The following RBM26 variants were observed in gnomAD, a reference collection of about 807,000 sequenced individuals.
RBM26 encodes the protein RNA-binding protein 26.
In RBM26, 30 loss-of-function variants were observed where a neutral mutation model predicts 123.6. The ratio of observed to expected loss-of-function variants is 0.24; its 90% CI spans 0.18 to 0.33. The LOEUF is 0.33. Among genes scored for constraint, RBM26 ranks in the 10% least tolerant of loss-of-function variants. The probability of loss-of-function intolerance (pLI) is 1.00; values close to 1 mark genes in which losing one functional copy is unlikely to be tolerated. For synonymous variants in RBM26, 400 were observed against 404.4 expected (o/e 0.99, Z 0.13); for missense variants, 947 against 1,203.6 (o/e 0.79, Z 3.15).
intron 9 of RBM26, among the ~76,000 whole-genome samples, chr13:79,364,396 C>A (rs556092024): frequency 2.2e-4 from 34 of 152,266 alleles, no homozygotes; most frequent in African/African-American, 7.9e-4. Flanking sequence ...GGCACTGTTA[C>A]TTACTAACTA....
rs116255018 is a variant in RBM26 at position 79,346,449 on chromosome 13, G to A, written c.2059-1655C>T. ...GCTGGAGCATAGTGGCCCAGATCTT[G>A]GCTCACTGAAACTTCCACCTCATGG... On this transcript the variant is annotated intron_variant, in intron 14 of 21. Transcript: ENST00000438737. 9.1e-3 allele frequency among the ~76,000 whole-genome samples: 1,389 copies of A among 152,102 alleles called. 19 individuals carry two copies. Among genetic ancestry groups the A allele is most frequent in the African/African-American group, 0.028 (1,143 of 41,460 alleles).
chr13:79,328,989 G>C (rs929976568), intron 20 of RBM26, among the ~76,000 whole-genome samples: 1 of 151,896 alleles, frequency 6.6e-6, no homozygotes, highest in Non-Finnish European at 1.5e-5. Context: ...ACTATGGCAA[G>C]AGTGTAGGGA....
At position 79,344,729 on chromosome 13, in the gene RBM26, C is replaced by T. The variant is rs193111523; in HGVS notation, c.2124G>A (p.Gln708=). The T allele has an allele frequency of 7.4e-6, 12 of 1,613,130 alleles. No homozygotes were observed. The East Asian group carries it at 2.5e-4, about 33-fold the overall frequency. ...CAGAGGTGGAAACAAGTAAGGTTTT[C>T]TGTGCAGCCTTCAAAGCAGCTGGAT... ...VYNPAALKAA[Q]KTLLVSTSAV... Residue 708 remains glutamine (Q), a synonymous_variant, in exon 15 of 22, where the codon CAG becomes CAA. Transcript: ENST00000438737.
At chr13:79,327,161 C>T (rs111865027) in intron 20 of RBM26, among the ~76,000 whole-genome samples, 9,047 of 151,460 alleles carry the variant, frequency 0.06, 529 homozygotes, top group African/African-American at 0.15. Context: ...CCAACTGTGG[C>T]GGCGTGTGCC....
At chr13:79,380,866 A>G (rs2077020764) in intron 1 of RBM26, among the ~76,000 whole-genome samples, 1 of 152,130 alleles carries the variant, frequency 6.6e-6, no homozygotes, top group South Asian at 2.1e-4. Context: ...GAGTGGTAAC[A>G]TACAGCATTA....
downstream of RBM26, among the ~76,000 whole-genome samples, chr13:79,317,429 G>A (rs553482250): frequency 6.6e-6 from 1 of 151,664 alleles, no homozygotes; most frequent in Admixed American, 6.6e-5. Flanking sequence ...TTATTTTACA[G>A]ACAAGGAAAC....
Position 79,371,743 on chromosome 13 carries a change from A to ATAT in RBM26, c.416+96_416+98dup, listed in dbSNP as rs2075903358. ...TTTTCCTAGACCAATAAAAGAGTAG[A>ATAT]TATTACTTGCCTCTGCGTAAAAGAT... On this transcript the variant is annotated intron_variant, in intron 4 of 21. Coordinates refer to ENST00000438737, the MANE Select transcript of RBM26 (RefSeq NM_001366735.2). 5.1e-6 allele frequency: 4 copies of ATAT among 781,320 alleles called. No individual in the cohort carries two copies. In the Admixed American group the frequency reaches 7.1e-5, roughly 14 times the overall value. 48.4% of individuals were successfully genotyped at this position (781,320 alleles called of 1,614,324 possible).
At chr13:79,313,298 G>A (rs1035202120) in exon 5 of RBM26, 1 of 151,818 alleles carries the variant, frequency 6.6e-6, no homozygotes, top group Non-Finnish European at 1.5e-5. Flanking sequence ...TGATCTTAGT[G>A]AGAATCAAGT....
In RBM26 at chr13:79,369,834, TG is replaced by T. The variant is rs542951456; in HGVS notation, c.635-845del. The stretch of plus-strand genomic sequence containing the variant: ...TATAATAAACTGAACATATTTAAAC[TG>T]TATAAGTTTTAATCAAGATATAACA... On this transcript the variant is annotated intron_variant, in intron 5 of 21. Transcript: ENST00000438737. Among the ~76,000 whole-genome samples, 15 of 152,322 alleles carry T rather than the reference TG, an allele frequency of 9.8e-5. No homozygotes were observed. In the East Asian group the frequency reaches 2.9e-3, roughly 29 times the overall value.
intron 1 of RBM26, among the ~76,000 whole-genome samples, chr13:79,397,445 G>A (rs2078670413): frequency 1.3e-5 from 2 of 151,798 alleles, no homozygotes; most frequent in African/African-American, 2.4e-5. Flanking sequence ...GGAGGTTGAG[G>A]CAGGCGGATC....
intron 16 of RBM26, 37 bp downstream of exon 16, chr13:79,344,211 A>T: frequency 7.8e-7 from 1 of 1,283,376 alleles, no homozygotes; most frequent in Non-Finnish European, 1.1e-6. Context: ...AAATTATAAC[A>T]TTTGCAATTT....
chr13:79,315,089 C>G, downstream of RBM26: 1 of 608,668 alleles, frequency 1.6e-6, no homozygotes, highest in Non-Finnish European at 2.6e-6. Flanking sequence ...CTTTTCTAAA[C>G]ATTAAAAAAG....
At chr13:79,386,096 TAA>T (rs11318596) in intron 1 of RBM26, among the ~76,000 whole-genome samples, 27 of 147,344 alleles carry the variant, frequency 1.8e-4, no homozygotes, top group African/African-American at 6.4e-4. Context: ...TTTTTAAAAT[TAA>T]AAAAAAAAAC....
At chr13:79,324,313 G>T (rs764989810) in intron 20 of RBM26, among the ~76,000 whole-genome samples, 1 of 151,536 alleles carries the variant, frequency 6.6e-6, no homozygotes, top group Non-Finnish European at 1.5e-5. Flanking sequence ...AATATCTCTC[G>T]ATGTCCATAC....
intron 14 of RBM26, among the ~76,000 whole-genome samples, chr13:79,350,420 T>G (rs932404206): frequency 6.6e-6 from 1 of 152,216 alleles, no homozygotes; most frequent in Admixed American, 6.5e-5. Flanking sequence ...TATACACAGA[T>G]GTAGCCCTTT....
intron 3 of RBM26, among the ~76,000 whole-genome samples, chr13:79,372,912 CATATTT>C (rs2076111957): frequency 7.8e-5 from 5 of 64,298 alleles, no homozygotes; most frequent in East Asian, 3.3e-4. Context: ...TTATATATTA[CATATTT>C]TATATAATAT....
At chr13:79,343,486 C>T (rs182280245) in intron 16 of RBM26, among the ~76,000 whole-genome samples, 1 of 151,958 alleles carries the variant, frequency 6.6e-6, no homozygotes, top group East Asian at 1.9e-4. Context: ...TTAGAAAAGA[C>T]ACACATTTCA....
intron 18 of RBM26, among the ~76,000 whole-genome samples, chr13:79,339,742 C>A (rs2071056259): frequency 6.6e-6 from 1 of 151,964 alleles, no homozygotes; most frequent in East Asian, 1.9e-4. Flanking sequence ...AAATTAAAAG[C>A]CTCTAAGAAA....
At chr13:79,315,356 AAAAATG>A, downstream of RBM26, among the ~76,000 whole-genome samples, 1 of 151,910 alleles carries the variant, frequency 6.6e-6, no homozygotes, top group South Asian at 2.1e-4. Context: ...TGTTGTAAAT[AAAAATG>A]AAAACAGATA....
Sources: gnomAD v4.1 joint callset for allele counts (sites outside exome capture counted in the v4.1 genomes callset) on GRCh38, gnomAD v4.1.1 for gene constraint, MANE v1.5 for transcripts, NCBI Gene and HGNC (gene_info 2026-07-23, HGNC 2026-07-21) for gene names.